The following MEGF6 variants were observed in gnomAD, a reference collection of about 807,000 sequenced individuals.
MEGF6 encodes multiple EGF like domains 6, also known as multiple epidermal growth factor-like domains protein 6.
A neutral mutation model predicts 207.1 loss-of-function variants in MEGF6; 184 were observed. That is an observed-to-expected ratio of 0.89 (90% CI 0.79 to 1.00). The LOEUF is 1.00. MEGF6 is among the 50% of genes least tolerant of loss of function. The probability of loss-of-function intolerance (pLI) is 0.00; values close to 1 mark genes in which losing one functional copy is unlikely to be tolerated. For synonymous variants in MEGF6, 1,038 were observed against 910.0 expected (o/e 1.14, Z -2.53); for missense variants, 2,282 against 2,202.9 (o/e 1.04, Z -0.72).
At chr1:3,616,552 C>T in the MEGF6 span, among the ~76,000 whole-genome samples, 3 of 151,932 alleles carry the variant, frequency 2.0e-5, no homozygotes, top group Non-Finnish European at 2.9e-5. Context: ...TGGCCAGAGA[C>T]GGGGGTGAGA....
rs78617271 is a variant in MEGF6, at chr1:3,521,635, G to A, written c.604+2489C>T. ...GTGGCCCCCAGGGGACTCCGTCCCCGGTCTACAAGCTTTTCAGGCCCCCAC... is the reference window on the plus strand; with the variant it reads ...GTGGCCCCCAGGGGACTCCGTCCCCAGTCTACAAGCTTTTCAGGCCCCCAC... On this transcript the variant is annotated intron_variant, in intron 5 of 36. Transcript: ENST00000356575. 3.8e-4 allele frequency among the ~76,000 whole-genome samples: 58 copies of A among 152,254 alleles called. No individual in the cohort carries two copies. The East Asian group carries it at 9.9e-3, about 26-fold the overall frequency.
chr1:3,577,375 C>T (rs1222949728), intron 4 of MEGF6, among the ~76,000 whole-genome samples: 1 of 152,238 alleles, frequency 6.6e-6, no homozygotes, highest in Admixed American at 6.5e-5. Flanking sequence ...CTTGTCCCTG[C>T]ACCAGGTGGC....
chr1:3,597,183 G>A (rs1277580850), intron 2 of MEGF6, among the ~76,000 whole-genome samples: 3 of 152,220 alleles, frequency 2.0e-5, no homozygotes, highest in East Asian at 3.8e-4. Flanking sequence ...TGAGGCCTTG[G>A]CCACACGGAT....
At chr1:3,569,619 G>A (rs1643441891) in intron 4 of MEGF6, among the ~76,000 whole-genome samples, 1 of 152,252 alleles carries the variant, frequency 6.6e-6, no homozygotes, top group Admixed American at 6.5e-5. Flanking sequence ...GGGGCCACGG[G>A]GTCTCCGGCC....
At chr1:3,504,603 C>G (rs1402867789) in intron 17 of MEGF6, among the ~76,000 whole-genome samples, 2 of 152,064 alleles carry the variant, frequency 1.3e-5, no homozygotes, top group Non-Finnish European at 2.9e-5. Flanking sequence ...GCAGTTGGTC[C>G]CCGGGTCTCC....
chr1:3,528,870 T>C (rs1232961095), intron 4 of MEGF6, among the ~76,000 whole-genome samples: 1 of 152,146 alleles, frequency 6.6e-6, no homozygotes, highest in East Asian at 1.9e-4. Flanking sequence ...CGCAGGACTG[T>C]CAGGTAATAA....
the MEGF6 span, among the ~76,000 whole-genome samples, chr1:3,622,896 C>T: frequency 0.014 from 2,171 of 152,258 alleles, 26 homozygotes; most frequent in Non-Finnish European, 0.023. Flanking sequence ...AAATACAGTC[C>T]CTCCATCATC....
chr1:3,556,435 C>G lies in MEGF6; in HGVS notation c.481+23390G>C, dbSNP rs372353585. Among the ~76,000 whole-genome samples the G allele has an allele frequency of 6.6e-6, 1 of 152,188 alleles. No homozygotes were observed. The highest frequency in any genetic ancestry group is 6.5e-5 in the Admixed American group (1 of 15,280). On this transcript the variant is annotated intron_variant, in intron 4 of 36. Transcript: ENST00000356575. The surrounding 1 kb of genome is among the most constrained non-coding windows in gnomAD (Gnocchi z 4.4). ...ACCAAATTGGCCCGGGACCTCCTCA[C>G]GGAGCCACAGCCAGCAGGGGTAGGA... is the stretch of plus-strand genomic sequence containing the variant.
At chr1:3,583,155 G>A (rs113685875) in intron 3 of MEGF6, among the ~76,000 whole-genome samples, 9 of 152,278 alleles carry the variant, frequency 5.9e-5, no homozygotes, top group South Asian at 2.1e-4. Flanking sequence ...AAAATACTAC[G>A]AGGCTCTAAA....
the MEGF6 span, chr1:3,624,689 C>T: frequency 6.5e-6 from 1 of 154,478 alleles, no homozygotes; most frequent in African/African-American, 2.4e-5. Context: ...ACCCGCTTTC[C>T]CCGCGGGCCA....
In MEGF6 at chr1:3,579,689, CCTCAGAAGAAT is replaced by C. The variant is rs1396022394; in HGVS notation, c.481+125_481+135del. ...AACTGGTGGAGGGATTGCGGAATGTCCTCAGAAGAATGCCCGTTCACTCGGGGTGTCCCCTA... is the reference window on the plus strand; with the variant it reads ...AACTGGTGGAGGGATTGCGGAATGTCGCCCGTTCACTCGGGGTGTCCCCTA... On this transcript the variant is annotated intron_variant, in intron 4 of 36. Transcript: ENST00000356575. 3.5e-5 allele frequency: 20 copies of C among 563,780 alleles called. No homozygotes were observed. In the African/African-American group the frequency reaches 3.9e-4, roughly 11 times the overall value. The allele number at this position is 563,780 out of a possible 1,614,324, so 34.9% of individuals were successfully genotyped here.
intron 5 of MEGF6, among the ~76,000 whole-genome samples, chr1:3,516,609 C>T (rs1037716250): frequency 3.9e-5 from 6 of 152,192 alleles, no homozygotes; most frequent in African/African-American, 1.4e-4. Flanking sequence ...GTCTGGGGAA[C>T]CCGTCTACTG....
chr1:3,531,200 C>G, intron 4 of MEGF6: 1 of 1,510,686 alleles, frequency 6.6e-7, no homozygotes, highest in Non-Finnish European at 8.8e-7. Context: ...CCCAGGAGCC[C>G]AAGGCACCAG....
At chr1:3,606,465 G>A (rs1446273273) in intron 1 of MEGF6, among the ~76,000 whole-genome samples, 1 of 152,164 alleles carries the variant, frequency 6.6e-6, no homozygotes, top group Non-Finnish European at 1.5e-5. Context: ...TCTTTAAGAC[G>A]CGCAGGTTAC....
At chr1:3,506,052 C>A in intron 15 of MEGF6, 56 bp downstream of exon 15, 4 of 1,530,194 alleles carry the variant, frequency 2.6e-6, no homozygotes, top group Non-Finnish European at 3.5e-6. Context: ...GGACATGGAC[C>A]ATCCCTTCCA....
rs572034017 is a variant in MEGF6 at position 3,511,686 on chromosome 1, C to T, written c.978G>A (p.Arg326=). The T allele has an allele frequency of 8.2e-5, 132 of 1,603,734 alleles. 1 individual carries two copies. The South Asian group carries it at 1.4e-3, about 17-fold the overall frequency. The change falls in exon 9 of 37, where the codon CGG becomes CGA. Residue 326 remains arginine (R), a splice_region_variant and synonymous_variant. Coordinates refer to ENST00000356575, the MANE Select transcript of MEGF6 (RefSeq NM_001409.4). Reference sequence around the variant, plus strand: ...AGCTGTTCACGATTTCCATCTCAATCCCTGCCGTGAGACCAGCCACCCAGG... The same window carrying T: ...AGCTGTTCACGATTTCCATCTCAATTCCTGCCGTGAGACCAGCCACCCAGG... The part of the protein sequence containing the change: ...ELGADGRQCY[R]IEMEIVNSCE...
At chr1:3,546,120 G>A (rs768105665) in intron 4 of MEGF6, among the ~76,000 whole-genome samples, 5 of 152,250 alleles carry the variant, frequency 3.3e-5, no homozygotes, top group Non-Finnish European at 7.3e-5. Flanking sequence ...CCAGGGCAGA[G>A]GCTGGAGCAG....
rs1250426263 is a variant in MEGF6, at chr1:3,488,435, C to G, written c.*2093G>C. On this transcript the variant is annotated 3_prime_UTR_variant, in exon 37 of 37. Coordinates refer to ENST00000356575, the MANE Select transcript of MEGF6 (RefSeq NM_001409.4). ...CCCATTGGGGAGTAATGGTGATATT[C>G]TGACTCTCTGAATTCCTAGGCCATT... Among the ~76,000 whole-genome samples the G allele has an allele frequency of 6.6e-6, 1 of 152,198 alleles. No homozygotes were observed. Among genetic ancestry groups the G allele is most frequent in the Non-Finnish European group, 1.5e-5 (1 of 68,042 alleles).
intron 7 of MEGF6, among the ~76,000 whole-genome samples, chr1:3,512,380 C>T (rs542693954): frequency 6.6e-4 from 100 of 152,248 alleles, no homozygotes; most frequent in Non-Finnish European, 1.2e-3. Context: ...GCCCAGGCAG[C>T]ACTTTCCTGG....
Sources: gnomAD v4.1 joint callset for allele counts (sites outside exome capture counted in the v4.1 genomes callset) on GRCh38, gnomAD v4.1.1 for gene constraint, Gnocchi (gnomAD v3.1) non-coding constraint, MANE v1.5 for transcripts, NCBI Gene and HGNC (gene_info 2026-07-23, HGNC 2026-07-21) for gene names.